The following LRCH1 variants were observed in gnomAD, a reference collection of about 807,000 sequenced individuals.
LRCH1 encodes leucine rich repeats and calponin homology domain containing 1, also known as leucine-rich repeat and calponin homology domain-containing protein 1.
In LRCH1, 23 loss-of-function variants were observed where a neutral mutation model predicts 94.9. The observed-to-expected ratio is 0.24, with a 90% confidence interval of 0.17 to 0.34. The LOEUF (loss-of-function observed/expected upper bound fraction) is 0.34. Among genes scored for constraint, LRCH1 ranks in the 10% least tolerant of loss-of-function variants. LRCH1 has a pLI of 1.00. For missense variants in LRCH1, 790 were observed against 945.9 expected, an observed-to-expected ratio of 0.84 and a Z score of 2.16; for synonymous variants, 364 against 354.9, an observed-to-expected ratio of 1.03 and a Z score of -0.29.
chr13:46,747,391 A>G (rs1254784729), downstream of LRCH1, among the ~76,000 whole-genome samples: 2 of 151,648 alleles, frequency 1.3e-5, no homozygotes, highest in Non-Finnish European at 2.9e-5. Flanking sequence ...TCAGCTTAGA[A>G]CCCTGCAGGC....
chr13:46,573,704 A>T (rs896987603), intron 1 of LRCH1, among the ~76,000 whole-genome samples: 1 of 151,430 alleles, frequency 6.6e-6, no homozygotes, highest in Non-Finnish European at 1.5e-5. Context: ...GGACATAGAC[A>T]TAGAGAGTAG....
chr13:46,586,281 T>C (rs2050434517), intron 1 of LRCH1, among the ~76,000 whole-genome samples: 1 of 152,166 alleles, frequency 6.6e-6, no homozygotes, highest in Non-Finnish European at 1.5e-5. Context: ...GAATTAAGCA[T>C]GATAGTTGTT....
intron 1 of LRCH1, among the ~76,000 whole-genome samples, chr13:46,592,856 C>T (rs1279365989): frequency 6.6e-6 from 1 of 152,078 alleles, no homozygotes; most frequent in Non-Finnish European, 1.5e-5. Flanking sequence ...CCTTCATTCT[C>T]GCATTGGTAT....
intron 17 of LRCH1, among the ~76,000 whole-genome samples, chr13:46,724,047 C>T (rs544374249): frequency 3.9e-5 from 6 of 152,080 alleles, no homozygotes; most frequent in African/African-American, 1.4e-4. Context: ...GGAGTGCAGT[C>T]GCATGATCTC....
chr13:46,683,978 A>G (rs189894222), intron 4 of LRCH1, among the ~76,000 whole-genome samples: 61 of 152,278 alleles, frequency 4.0e-4, no homozygotes, highest in Admixed American at 7.2e-4. Flanking sequence ...ATTTACTTAT[A>G]TGTTTTTCCT....
chr13:46,565,944 G>A (rs1282409899), intron 1 of LRCH1, among the ~76,000 whole-genome samples: 1 of 151,872 alleles, frequency 6.6e-6, no homozygotes, highest in Admixed American at 6.6e-5. Flanking sequence ...TAGAGAATGG[G>A]GAACCCTATT....
At chr13:46,733,077 G>A (rs1873192925) in intron 18 of LRCH1, among the ~76,000 whole-genome samples, 1 of 152,158 alleles carries the variant, frequency 6.6e-6, no homozygotes, top group Admixed American at 6.5e-5. Flanking sequence ...ATTCTCACAT[G>A]AGCAGGATAA....
chr13:46,553,936 C>T (rs2050033168), intron 1 of LRCH1, among the ~76,000 whole-genome samples: 1 of 152,196 alleles, frequency 6.6e-6, no homozygotes, highest in African/African-American at 2.4e-5. Context: ...AGGGGTGCGC[C>T]GGGCCTCTGC....
intron 2 of LRCH1, among the ~76,000 whole-genome samples, chr13:46,663,840 C>T (rs771507368): frequency 6.6e-6 from 1 of 152,188 alleles, no homozygotes; most frequent in Non-Finnish European, 1.5e-5. Flanking sequence ...CTTTCTCTGT[C>T]ACTCTTTAGA....
intron 1 of LRCH1, among the ~76,000 whole-genome samples, chr13:46,582,001 T>C (rs1283346285): frequency 6.6e-6 from 1 of 152,028 alleles, no homozygotes; most frequent in South Asian, 2.1e-4. Context: ...AATTCAAAAA[T>C]TAGCCGGGCG....
chr13:46,734,038 A>T, intron 19 of LRCH1, 40 bp downstream of exon 19: 1 of 1,162,196 alleles, frequency 8.6e-7, no homozygotes, highest in South Asian at 1.4e-5. Context: ...GTTCTAGTAA[A>T]AATTTTATTT....
At chr13:46,587,520 A>G (rs142405631) in intron 1 of LRCH1, among the ~76,000 whole-genome samples, 159 of 152,366 alleles carry the variant, frequency 1.0e-3, no homozygotes, top group African/African-American at 3.6e-3. Flanking sequence ...GTACTGGAAC[A>G]TAATTGTGGA....
At chr13:46,678,395 A>G (rs2051705230) in intron 3 of LRCH1, among the ~76,000 whole-genome samples, 1 of 152,182 alleles carries the variant, frequency 6.6e-6, no homozygotes, top group African/African-American at 2.4e-5. Context: ...GTGGGAATAG[A>G]GTTTTGCACT....
intron 6 of LRCH1, among the ~76,000 whole-genome samples, chr13:46,688,903 C>T (rs3818945): frequency 0.017 from 2,603 of 152,236 alleles, 67 homozygotes; most frequent in East Asian, 0.073. Flanking sequence ...CATGAAACCC[C>T]GAACACAAAG....
At chr13:46,631,059 A>G (rs1442527930) in intron 1 of LRCH1, among the ~76,000 whole-genome samples, 1 of 152,210 alleles carries the variant, frequency 6.6e-6, no homozygotes, top group East Asian at 1.9e-4. Context: ...GATCTGCAGT[A>G]AAGACTTGAG....
Position 46,705,105 on chromosome 13 carries a change from C to T in LRCH1, c.1438C>T (p.Leu480=), listed in dbSNP as rs776905099. Reference sequence around the variant, plus strand: ...TATTACAGAGAGAAGTGTTTTAAACCTATATCCTATGGGATCAGCAGAAGC... The same window carrying T: ...TATTACAGAGAGAAGTGTTTTAAACTTATATCCTATGGGATCAGCAGAAGC... ...TDITERSVLN[L]YPMGSAEALE... is the part of the protein sequence containing the mutation. Residue 480 remains leucine, a synonymous_variant, in exon 12 of 20, where the codon CTA becomes TTA. Coordinates refer to ENST00000389797, the MANE Select transcript of LRCH1 (RefSeq NM_001164211.2). 1 of 1,607,576 alleles carries T rather than the reference C, an allele frequency of 6.2e-7. No homozygotes were observed. The highest frequency in any genetic ancestry group is 1.1e-5 in the South Asian group (1 of 89,338).
intron 10 of LRCH1, 22 bp from the exon 11 acceptor site, chr13:46,701,099 T>C: frequency 1.3e-6 from 2 of 1,494,316 alleles, no homozygotes; most frequent in Non-Finnish European, 1.9e-6. Flanking sequence ...TTTTCATTCT[T>C]ATGCTTGGTT....
intron 1 of LRCH1, among the ~76,000 whole-genome samples, chr13:46,612,359 A>G (rs1594285257): frequency 6.6e-6 from 1 of 152,256 alleles, no homozygotes. Context: ...GAAGGTATGA[A>G]CATATTAATG....
At position 46,695,717 on chromosome 13, in the gene LRCH1, G is replaced by T. The variant is rs371553624; in HGVS notation, c.1245+700G>T. 2.2e-4 allele frequency among the ~76,000 whole-genome samples: 33 copies of T among 152,284 alleles called. 3 individuals are homozygous for T. The highest frequency in any genetic ancestry group is 1.7e-3 in the Admixed American group (26 of 15,300). Reference sequence around the variant, plus strand: ...AATTCAGATTCACTGTGGCTTCGAGGTAACTTCTGAGTTATTATGTTGAAG... The same window carrying T: ...AATTCAGATTCACTGTGGCTTCGAGTTAACTTCTGAGTTATTATGTTGAAG... On this transcript the variant is annotated intron_variant, in intron 9 of 19. Coordinates refer to ENST00000389797, the MANE Select transcript of LRCH1 (RefSeq NM_001164211.2).
Sources: gnomAD v4.1 joint callset for allele counts (sites outside exome capture counted in the v4.1 genomes callset) on GRCh38, gnomAD v4.1.1 for gene constraint, MANE v1.5 for transcripts, NCBI Gene and HGNC (gene_info 2026-07-23, HGNC 2026-07-21) for gene names.